FCAR: variants seen among roughly 807,000 people sequenced by gnomAD.
The protein encoded by FCAR is Fc alpha receptor, also known as immunoglobulin alpha Fc receptor.
FCAR carries 21 observed loss-of-function variants against 27.1 expected under a neutral mutation model. The ratio of observed to expected loss-of-function variants is 0.77; its 90% CI spans 0.55 to 1.11. The LOEUF (loss-of-function observed/expected upper bound fraction) is 1.11, where lower values mean the gene tolerates loss of function less well. Ranked by LOEUF, FCAR falls within the 50% of genes most tolerant of loss-of-function variation. The pLI, the probability that FCAR is intolerant of heterozygous loss-of-function variation, is 0.00. For synonymous variants in FCAR, 134 were observed against 135.8 expected (o/e 0.99, Z 0.09); for missense variants, 404 against 358.4 (o/e 1.13, Z -1.03).
chr19:54,875,470 A>G (rs2066043264), intron 2 of FCAR, 105 bp downstream of exon 2: 6 of 932,048 alleles, frequency 6.4e-6, no homozygotes. Flanking sequence ...TTTAATCCCC[A>G]TTCTAGTTGT....
At position 54,890,238 on chromosome 19, in the gene FCAR, G is replaced by C. The variant is rs1178212857; in HGVS notation, c.*375G>C. The C allele has an allele frequency of 3.7e-6, 1 of 268,768 alleles. No homozygotes were observed. Among genetic ancestry groups the C allele is most frequent in the Non-Finnish European group, 7.2e-6 (1 of 138,580 alleles). 16.6% of individuals were successfully genotyped at this position (268,768 alleles called of 1,614,324 possible). A position where few individuals can be genotyped will look rare whatever the true frequency, so the allele number is the denominator to read the frequency against. On this transcript the variant is annotated 3_prime_UTR_variant, in exon 5 of 5. Transcript: ENST00000355524. The stretch of plus-strand genomic sequence containing the variant: ...CAAAGTGCTGAGATTATAGGCATGA[G>C]CCACCACGCCTGGCCAGATGCATGT...
intron 1 of FCAR, 63 bp from the exon 2 acceptor site, chr19:54,875,267 A>G: frequency 7.2e-7 from 1 of 1,391,674 alleles, no homozygotes; most frequent in Non-Finnish European, 1.0e-6. Context: ...GTCATTACAG[A>G]GGGTGATTTG....
At chr19:54,881,072 T>G (rs970324781) in intron 2 of FCAR, among the ~76,000 whole-genome samples, 1 of 152,074 alleles carries the variant, frequency 6.6e-6, no homozygotes, top group African/African-American at 2.4e-5. Flanking sequence ...CTCCGTGGCT[T>G]GGGGGCAGCA....
At chr19:54,885,580 T>C in intron 3 of FCAR, 55 bp downstream of exon 3, 3 of 1,334,910 alleles carry the variant, frequency 2.2e-6, no homozygotes, top group Non-Finnish European at 3.1e-6. Context: ...TTATTTTTAA[T>C]AGAGTATTTT....
intron 2 of FCAR, among the ~76,000 whole-genome samples, chr19:54,881,879 TCAAA>T (rs2066437149): frequency 7.8e-6 from 1 of 128,268 alleles, no homozygotes; most frequent in African/African-American, 2.9e-5. Flanking sequence ...AGACTCCGTC[TCAAA>T]TAAATAAATA....
At chr19:54,889,559 A>AG (rs1442184137) in intron 4 of FCAR, 90 bp from the exon 5 acceptor site, 1 of 1,109,768 alleles carries the variant, frequency 9.0e-7, no homozygotes, top group Non-Finnish European at 1.4e-6. Context: ...GCAAGCGAAA[A>AG]GGAAAATGAG....
chr19:54,879,893 G>A (rs1371062653), intron 2 of FCAR, among the ~76,000 whole-genome samples: 5 of 152,206 alleles, frequency 3.3e-5, no homozygotes, highest in South Asian at 2.1e-4. Context: ...CACCATGTTA[G>A]CCAGGATGGT....
intron 2 of FCAR, among the ~76,000 whole-genome samples, 166 bp from the exon 3 acceptor site, chr19:54,885,069 G>C (rs2066626617): frequency 6.6e-6 from 1 of 152,100 alleles, no homozygotes; most frequent in African/African-American, 2.4e-5. Flanking sequence ...GCCTCCCAAA[G>C]TGCTGGGAAT....
intron 3 of FCAR, among the ~76,000 whole-genome samples, chr19:54,886,776 G>A (rs1327439561): frequency 2.0e-5 from 3 of 152,188 alleles, no homozygotes; most frequent in African/African-American, 7.2e-5. Flanking sequence ...CAGTTTTGAG[G>A]GTAGTGGTCC....
At chr19:54,887,734 T>C (rs2066820200) in intron 3 of FCAR, among the ~76,000 whole-genome samples, 1 of 151,320 alleles carries the variant, frequency 6.6e-6, no homozygotes, top group Admixed American at 6.6e-5. Flanking sequence ...CTGACCAACA[T>C]GGAGAGACCC....
Position 54,890,067 on chromosome 19 carries a change from C to T in FCAR, c.*204C>T, listed in dbSNP as rs2066995448. On this transcript the variant is annotated 3_prime_UTR_variant, in exon 5 of 5. Transcript: ENST00000355524. ...CTCTTGGGTTCAAGTGATTCTTGTG[C>T]CTCAGCCTCCCAAGTAGCTGGAATT... 6.8e-6 allele frequency: 4 copies of T among 587,040 alleles called. No homozygotes were observed. The highest frequency in any genetic ancestry group is 6.2e-5 in the South Asian group (3 of 48,010). 36.4% of individuals were successfully genotyped at this position (587,040 alleles called of 1,614,324 possible). A position where few individuals can be genotyped will look rare whatever the true frequency, so the allele number is the denominator to read the frequency against.
At position 54,885,378 on chromosome 19, in the gene FCAR, G is replaced by A. The variant is rs1371652357; in HGVS notation, c.214G>A (p.Gly72Ser). 1 of 1,613,936 alleles carries A rather than the reference G, an allele frequency of 6.2e-7. No individual in the cohort carries two copies. Among genetic ancestry groups the A allele is most frequent in the Non-Finnish European group, 8.5e-7 (1 of 1,180,004 alleles). The change falls in exon 3 of 5, where the codon GGC becomes AGC. Residue 72 changes from glycine (G) to serine (S), a missense_variant. Gly to Ser is a moderately conservative substitution (Grantham distance 56). Coordinates refer to ENST00000355524, the MANE Select transcript of FCAR (RefSeq NM_002000.4). ...AAAAAACTCCACGTACCGAGAGATA[G>A]GCAGAAGACTGAAGTTTTGGAATGA... ...IIKNSTYREI[G>S]RRLKFWNETD... is the part of the protein sequence containing the mutation.
At position 54,890,155 on chromosome 19, in the gene FCAR, T is replaced by C. The variant is rs1222869408; in HGVS notation, c.*292T>C. 1 of 428,706 alleles carries C rather than the reference T, an allele frequency of 2.3e-6. No individual in the cohort carries two copies. The highest frequency in any genetic ancestry group is 4.3e-6 in the Non-Finnish European group (1 of 233,588). The allele number at this position is 428,706 out of a possible 1,614,324, so 26.6% of individuals were successfully genotyped here. ...TTTTAGTAGAGATGGGGTTTCACTG[T>C]GTTGGCCAGGCTGGTCTCGAACTCC... On this transcript the variant is annotated 3_prime_UTR_variant, in exon 5 of 5. Transcript: ENST00000355524.
rs1391195185 is a variant in FCAR at position 54,889,915 on chromosome 19, C to T, written c.*52C>T. Reference sequence around the variant, plus strand: ...GCCAGGACTGTGGAGTCCGACAAAGCTACTTGAAGGACACAAGAGAGAAAA... The same window carrying T: ...GCCAGGACTGTGGAGTCCGACAAAGTTACTTGAAGGACACAAGAGAGAAAA... On this transcript the variant is annotated 3_prime_UTR_variant, in exon 5 of 5. Coordinates refer to ENST00000355524, the MANE Select transcript of FCAR (RefSeq NM_002000.4). The T allele has an allele frequency of 2.3e-6, 3 of 1,306,954 alleles. No individual in the cohort carries two copies. In the South Asian group the frequency reaches 3.6e-5, roughly 15 times the overall value. 81.0% of individuals were successfully genotyped at this position (1,306,954 alleles called of 1,614,324 possible). A position where few individuals can be genotyped will look rare whatever the true frequency, so the allele number is the denominator to read the frequency against.
At chr19:54,874,387 T>C in intron 1 of FCAR, 64 bp downstream of exon 1, 1 of 1,518,326 alleles carries the variant, frequency 6.6e-7, no homozygotes, top group Non-Finnish European at 9.2e-7. Context: ...AATCAGGGTG[T>C]CTCTTAACAG....
At chr19:54,876,690 CTT>C (rs879431302) in intron 2 of FCAR, among the ~76,000 whole-genome samples, 5,050 of 151,964 alleles carry the variant, frequency 0.033, 94 homozygotes, top group Middle Eastern at 0.072. Flanking sequence ...GAAGCCAAGG[CTT>C]GTGGATCATG....
intron 3 of FCAR, among the ~76,000 whole-genome samples, chr19:54,886,178 G>A (rs2066710233): frequency 6.6e-6 from 1 of 151,700 alleles, no homozygotes; most frequent in African/African-American, 2.4e-5. Flanking sequence ...AACCCAGGAG[G>A]CAGAGGTTGC....
chr19:54,885,370 G>A lies in FCAR; in HGVS notation c.206G>A (p.Arg69Gln), dbSNP rs140716224. 21 of 1,613,722 alleles carry A rather than the reference G, an allele frequency of 1.3e-5. No individual in the cohort carries two copies. Among genetic ancestry groups the A allele is most frequent in the African/African-American group, 5.3e-5 (4 of 74,890 alleles). The change falls in exon 3 of 5, where the codon CGA becomes CAA. Residue 69 changes from arginine to glutamine, a missense_variant. Arg to Gln is a conservative substitution (Grantham distance 43). Transcript: ENST00000355524. ...QLMIIKNSTY[R>Q]EIGRRLKFWN... ...ATGATCATAAAAAACTCCACGTACC[G>A]AGAGATAGGCAGAAGACTGAAGTTT...
At chr19:54,888,484 AG>A in intron 4 of FCAR, 190 bp downstream of exon 4, 1 of 1,421,504 alleles carries the variant, frequency 7.0e-7, no homozygotes, top group Non-Finnish European at 9.2e-7. Context: ...TTCTCCAGAC[AG>A]GGTTCATTGA....
Sources: allele counts gnomAD v4.1 joint callset (sites outside exome capture counted in the v4.1 genomes callset), GRCh38; gene constraint gnomAD v4.1.1; transcripts MANE v1.5; gene names NCBI Gene and HGNC (gene_info 2026-07-23, HGNC 2026-07-21).